Variants in DNAH5 observed in about 807,000 individuals in gnomAD.
The protein encoded by DNAH5 is dynein axonemal heavy chain 5.
Under a neutral mutation model 518.2 loss-of-function variants are expected in DNAH5, and 372 were observed. That is an observed-to-expected ratio of 0.72 (90% CI 0.66 to 0.78). DNAH5 has a LOEUF of 0.78. Ranked by LOEUF, DNAH5 falls within the 30% of genes least tolerant of loss-of-function variation. The pLI is 0.00. For synonymous variants in DNAH5, 2,039 were observed against 2,025.9 expected (o/e 1.01, Z -0.17); for missense variants, 5,523 against 5,687.0 (o/e 0.97, Z 0.93).
intron 11 of DNAH5, among the ~76,000 whole-genome samples, chr5:13,912,748 G>T (rs2151979467): frequency 6.6e-6 from 1 of 151,712 alleles, no homozygotes; most frequent in East Asian, 1.9e-4. Context: ...TAAAGATTTG[G>T]GAACTTGAGA....
At chr5:13,775,124 C>A (rs1753886495) in intron 55 of DNAH5, among the ~76,000 whole-genome samples, 4 of 129,704 alleles carry the variant, frequency 3.1e-5, no homozygotes, top group Admixed American at 2.4e-4. Flanking sequence ...AAGAGCTACA[C>A]TCCTTTTTGT....
rs2151995433 is a variant in DNAH5, at chr5:13,922,170, G to A, written c.597C>T (p.Phe199=). 6.2e-7 allele frequency: 1 copy of A among 1,614,060 alleles called. No individual in the cohort carries two copies. The highest frequency in any genetic ancestry group is 1.1e-5 in the South Asian group (1 of 91,068). ...LQDAANIRQE[F]LSSLEGFVNV... ...TCACAAAGCCTTCCAGGGAGCTCAAGAACTCCTGGCGAATGTTAGCTGCGT... is the reference window on the plus strand; with the variant it reads ...TCACAAAGCCTTCCAGGGAGCTCAAAAACTCCTGGCGAATGTTAGCTGCGT... The change falls in exon 5 of 79, where the codon TTC becomes TTT. Residue 199 remains phenylalanine (F), a synonymous_variant. Transcript: ENST00000265104.
chr5:13,709,275 G>T (rs183072811), intron 75 of DNAH5, among the ~76,000 whole-genome samples: 1 of 152,238 alleles, frequency 6.6e-6, no homozygotes, highest in East Asian at 1.9e-4. Flanking sequence ...AAGAAATAGG[G>T]TGGCTCATGT....
intron 35 of DNAH5, among the ~76,000 whole-genome samples, chr5:13,834,776 C>T (rs1764152646): frequency 6.6e-6 from 1 of 152,176 alleles, no homozygotes; most frequent in Admixed American, 6.5e-5. Context: ...GTGGCCTGAG[C>T]TGAATGAGGA....
intron 22 of DNAH5, among the ~76,000 whole-genome samples, chr5:13,874,515 C>A (rs960451246): frequency 2.0e-5 from 3 of 151,892 alleles, no homozygotes; most frequent in African/African-American, 2.4e-5. Flanking sequence ...TCCAGCTCAA[C>A]GTTTCTATAT....
Position 13,720,984 on chromosome 5 carries a change from G to A in DNAH5, c.12279+16C>T, listed in dbSNP as rs375853606. The A allele has an allele frequency of 2.9e-5, 47 of 1,614,014 alleles. No individual in the cohort carries two copies. In the African/African-American group the frequency reaches 5.9e-4, roughly 20 times the overall value. ...ATATGAACAGCATGGCACAAAAGTAGACTATTCAGCCTTACGTTCGCCATG... is the reference window on the plus strand; with the variant it reads ...ATATGAACAGCATGGCACAAAAGTAAACTATTCAGCCTTACGTTCGCCATG... On this transcript the variant is annotated intron_variant, in intron 71 of 78. Coordinates refer to ENST00000265104, the MANE Select transcript of DNAH5 (RefSeq NM_001369.3).
intron 30 of DNAH5, 65 bp downstream of exon 30, chr5:13,859,387 G>C (rs1768061608): frequency 6.5e-7 from 1 of 1,543,268 alleles, no homozygotes; most frequent in Admixed American, 1.7e-5. Flanking sequence ...CATTATTTAA[G>C]GGGGTAATCG....
At chr5:13,838,288 C>G (rs142355927) in intron 35 of DNAH5, among the ~76,000 whole-genome samples, 15 of 152,276 alleles carry the variant, frequency 9.9e-5, no homozygotes, top group African/African-American at 3.6e-4. Flanking sequence ...AGTATTGGAG[C>G]TGAATGAGGA....
chr5:13,822,539 C>T (rs559962488), intron 40 of DNAH5, among the ~76,000 whole-genome samples: 14 of 152,324 alleles, frequency 9.2e-5, no homozygotes, highest in Admixed American at 3.3e-4. Context: ...GCATGAGCCA[C>T]CACACCTGGC....
rs572178039 is a variant in DNAH5, at chr5:13,736,560, A to G, written c.11456-628T>C. Among the ~76,000 whole-genome samples, 6 of 151,776 alleles carry G rather than the reference A, an allele frequency of 4.0e-5. No homozygotes were observed. In the South Asian group the frequency reaches 1.0e-3, roughly 26 times the overall value. ...CAGGCGCCCACCACCATGCCTGGCT[A>G]ATTTTTTTTTCTCTTATATTTTTAG... On this transcript the variant is annotated intron_variant, in intron 66 of 78. Coordinates refer to ENST00000265104, the MANE Select transcript of DNAH5 (RefSeq NM_001369.3).
At chr5:13,872,482 C>T (rs777781619) in intron 22 of DNAH5, among the ~76,000 whole-genome samples, 43 of 152,150 alleles carry the variant, frequency 2.8e-4, no homozygotes, top group Non-Finnish European at 5.9e-4. Flanking sequence ...CCAGATACTT[C>T]TTATTATACA....
intron 32 of DNAH5, among the ~76,000 whole-genome samples, chr5:13,842,437 A>AGAGAG (rs1561407249): frequency 0.021 from 1,909 of 91,224 alleles, 219 homozygotes; most frequent in Non-Finnish European, 0.028. Flanking sequence ...GAAAGAAAGA[A>AGAGAG]AGAAAGAAAG....
chr5:13,894,891 T>C (rs2151953776), intron 15 of DNAH5, 70 bp from the exon 16 acceptor site: 2 of 1,548,312 alleles, frequency 1.3e-6, no homozygotes, highest in Non-Finnish European at 1.8e-6. Flanking sequence ...TCTCATGTCT[T>C]ATACAAAATG....
At chr5:13,836,382 G>A (rs1049463397) in intron 35 of DNAH5, among the ~76,000 whole-genome samples, 6 of 152,198 alleles carry the variant, frequency 3.9e-5, no homozygotes, top group African/African-American at 1.2e-4. Context: ...GAGAAGAGAA[G>A]AGCCTGGCAG....
intron 1 of DNAH5, among the ~76,000 whole-genome samples, chr5:13,935,309 AC>A (rs1778822757): frequency 6.6e-6 from 1 of 152,192 alleles, no homozygotes; most frequent in African/African-American, 2.4e-5. Flanking sequence ...AGAGAAAAAA[AC>A]ATCCTAATGA....
intron 12 of DNAH5, among the ~76,000 whole-genome samples, chr5:13,910,992 G>A (rs1197747424): frequency 6.6e-6 from 1 of 152,204 alleles, no homozygotes; most frequent in Admixed American, 6.5e-5. Context: ...TGGCAGCCCT[G>A]CCTTGGAATC....
chr5:13,924,536 G>A (rs951564668), intron 3 of DNAH5, among the ~76,000 whole-genome samples: 9 of 151,970 alleles, frequency 5.9e-5, no homozygotes, highest in East Asian at 1.9e-4. Context: ...TTAGCCAGGC[G>A]TGGTGGCACA....
Position 13,923,164 on chromosome 5 carries a change from G to A in DNAH5, c.438+116C>T, listed in dbSNP as rs1043044043. On this transcript the variant is annotated intron_variant, in intron 4 of 78. Transcript: ENST00000265104. ...TTAAATTTTTAAAAAATACTTCTCT[G>A]AAAGTAGTTTTAGATACTGTAGTGA... is the stretch of plus-strand genomic sequence containing the variant. 49 of 1,333,144 alleles carry A rather than the reference G, an allele frequency of 3.7e-5. No individual in the cohort carries two copies. In the Middle Eastern group the frequency reaches 5.5e-4, roughly 15 times the overall value. The allele number at this position is 1,333,144 out of a possible 1,614,324, so 82.6% of individuals were successfully genotyped here. A position where few individuals can be genotyped will look rare whatever the true frequency, so the allele number is the denominator to read the frequency against.
Position 13,901,466 on chromosome 5 carries a change from T to C in DNAH5, c.1838A>G (p.Asp613Gly). The C allele has an allele frequency of 6.2e-7, 1 of 1,613,984 alleles. No individual in the cohort carries two copies. The highest frequency in any genetic ancestry group is 8.5e-7 in the Non-Finnish European group (1 of 1,180,002). The change falls in exon 14 of 79, where the codon GAT becomes GGT. Residue 613 changes from aspartate to glycine, a missense_variant. Around this residue, in one of 3 missense-constraint regions of DNAH5, gnomAD observed 5,121 missense variants for 5,223.3 expected, o/e 0.98. Coordinates refer to ENST00000265104, the MANE Select transcript of DNAH5 (RefSeq NM_001369.3). ...AGGCTGGTTTCGAGCCAGAGGAGGA[T>C]CGTATTTCTGCTTTGTATACAGCTT... ...ISKLYTKQKY[D>G]PPLARNQPPI...
Sources: allele counts gnomAD v4.1 joint callset (sites outside exome capture counted in the v4.1 genomes callset), GRCh38; gene constraint gnomAD v4.1.1; regional missense constraint gnomAD v4.1.1; transcripts MANE v1.5; gene names NCBI Gene and HGNC (gene_info 2026-07-23, HGNC 2026-07-21).